The following SAMD3 variants were observed in gnomAD, a reference collection of about 807,000 sequenced individuals.
SAMD3 encodes the protein sterile alpha motif domain-containing protein 3.
Under a neutral mutation model 58.5 loss-of-function variants are expected in SAMD3, and 63 were observed. The observed-to-expected ratio is 1.08, with a 90% CI of 0.88 to 1.33. SAMD3 has a LOEUF of 1.33. SAMD3 is among the 40% of genes most tolerant of loss of function. The pLI, the probability that SAMD3 is intolerant of heterozygous loss-of-function variation, is 0.00. For synonymous variants in SAMD3, 220 were observed against 210.3 expected (o/e 1.05, Z -0.40); for missense variants, 604 against 608.4 (o/e 0.99, Z 0.08).
intron 1 of SAMD3, among the ~76,000 whole-genome samples, chr6:130,221,125 A>G (rs1421991436): frequency 6.6e-6 from 1 of 152,190 alleles, no homozygotes; most frequent in Non-Finnish European, 1.5e-5. Context: ...AAGTGCTGGG[A>G]TTACAGGCAT....
At chr6:130,276,508 T>A (rs1031168678) in intron 2 of SAMD3, among the ~76,000 whole-genome samples, 2 of 152,128 alleles carry the variant, frequency 1.3e-5, no homozygotes, top group Non-Finnish European at 2.9e-5. Flanking sequence ...ATATTAAGCA[T>A]ATTAAAAATA....
At chr6:130,205,577 T>A (rs1219551992) in intron 5 of SAMD3, among the ~76,000 whole-genome samples, 1 of 151,880 alleles carries the variant, frequency 6.6e-6, no homozygotes, top group Non-Finnish European at 1.5e-5. Flanking sequence ...GTGCTGGGAT[T>A]ACAGGCATGA....
intron 1 of SAMD3, among the ~76,000 whole-genome samples, chr6:130,334,501 G>A (rs969286476): frequency 6.6e-6 from 1 of 152,214 alleles, no homozygotes; most frequent in Non-Finnish European, 1.5e-5. Context: ...GGTAGAAACA[G>A]CAACGGCTTT....
intron 5 of SAMD3, among the ~76,000 whole-genome samples, chr6:130,200,343 C>T (rs1794532261): frequency 6.7e-6 from 1 of 149,724 alleles, no homozygotes; most frequent in South Asian, 2.1e-4. Flanking sequence ...AGATAGAGAC[C>T]ATCCTGGCTA....
chr6:130,351,499 G>A (rs1310436860), intron 1 of SAMD3, among the ~76,000 whole-genome samples: 1 of 152,196 alleles, frequency 6.6e-6, no homozygotes, highest in Admixed American at 6.5e-5. Context: ...CTGGCCATCA[G>A]AGAAATGCAG....
intron 2 of SAMD3, among the ~76,000 whole-genome samples, chr6:130,308,218 T>C (rs1403559229): frequency 6.6e-6 from 1 of 152,100 alleles, no homozygotes; most frequent in African/African-American, 2.4e-5. Context: ...AAGAAATTCC[T>C]GGGGTATGAG....
intron 2 of SAMD3, among the ~76,000 whole-genome samples, chr6:130,260,074 A>C (rs1245431807): frequency 6.6e-6 from 1 of 152,222 alleles, no homozygotes; most frequent in Non-Finnish European, 1.5e-5. Context: ...TCATAGATAC[A>C]GTCACATACT....
chr6:130,205,267 C>T (rs908734772), intron 5 of SAMD3, among the ~76,000 whole-genome samples: 3 of 151,134 alleles, frequency 2.0e-5, no homozygotes, highest in Non-Finnish European at 4.4e-5. Context: ...TTCATTGGCT[C>T]ACACATCCCA....
intron 2 of SAMD3, among the ~76,000 whole-genome samples, chr6:130,234,197 T>C (rs1422556420): frequency 1.3e-5 from 2 of 152,240 alleles, no homozygotes; most frequent in Non-Finnish European, 2.9e-5. Context: ...TAATTTTTGC[T>C]TCTCTTATGT....
At chr6:130,234,630 G>A (rs546497030) in intron 2 of SAMD3, among the ~76,000 whole-genome samples, 1 of 152,300 alleles carries the variant, frequency 6.6e-6, no homozygotes. Context: ...GAACCAACGT[G>A]TAAGATGATG....
chr6:130,307,267 G>A (rs571100105), intron 2 of SAMD3, among the ~76,000 whole-genome samples: 5 of 152,356 alleles, frequency 3.3e-5, no homozygotes, highest in Non-Finnish European at 7.3e-5. Flanking sequence ...CCACAGGGCC[G>A]TCTCTTGCAC....
chr6:130,143,612 C>T (rs1582693089), downstream of SAMD3: 1 of 152,270 alleles, frequency 6.6e-6, no homozygotes, highest in African/African-American at 2.4e-5. Context: ...GTTCATCCCA[C>T]CATGCTGTGT....
chr6:130,343,974 C>CAAACA (rs10686988), intron 1 of SAMD3, among the ~76,000 whole-genome samples: 64,724 of 146,392 alleles, frequency 0.44, 16,181 homozygotes, highest in African/African-American at 0.7. Flanking sequence ...TAAAAACAAA[C>CAAACA]AAAAAAAAAA....
At chr6:130,298,925 G>A (rs904956667) in intron 2 of SAMD3, among the ~76,000 whole-genome samples, 15 of 151,944 alleles carry the variant, frequency 9.9e-5, no homozygotes, top group African/African-American at 3.1e-4. Context: ...TCAACACTGC[G>A]TATGCACTGA....
chr6:130,146,118 C>T lies in SAMD3; in HGVS notation c.1087G>A (p.Glu363Lys). 1 of 1,600,762 alleles carries T rather than the reference C, an allele frequency of 6.2e-7. No individual in the cohort carries two copies. Among genetic ancestry groups the T allele is most frequent in the Non-Finnish European group, 8.5e-7 (1 of 1,173,358 alleles). ...DIYKKTRHIL[E>K]SYSENILTSF... ...GTCAGTATATTTTCTGAATAGGATTCCAAAATGTGCCTTGTTTTCTTATAA... is the reference window on the plus strand; with the variant it reads ...GTCAGTATATTTTCTGAATAGGATTTCAAAATGTGCCTTGTTTTCTTATAA... Residue 363 changes from glutamate to lysine, a missense_variant, in exon 10 of 12, where the codon GAA (glutamate) becomes AAA (lysine). Glu to Lys is a moderately conservative substitution (Grantham distance 56, BLOSUM62 1). Coordinates refer to ENST00000439090, the MANE Select transcript of SAMD3 (RefSeq NM_001017373.4).
chr6:130,344,683 C>A (rs2115027559), intron 1 of SAMD3, among the ~76,000 whole-genome samples: 1 of 152,124 alleles, frequency 6.6e-6, no homozygotes, highest in African/African-American at 2.4e-5. Flanking sequence ...GCCATGGAGC[C>A]CAGCCATTCC....
chr6:130,329,725 C>T (rs906847275), intron 1 of SAMD3, among the ~76,000 whole-genome samples: 5 of 152,134 alleles, frequency 3.3e-5, no homozygotes, highest in African/African-American at 1.2e-4. Context: ...TCATGGAGTA[C>T]TATGCAGCCA....
chr6:130,348,717 A>G (rs1319530760), intron 1 of SAMD3, among the ~76,000 whole-genome samples: 1 of 152,214 alleles, frequency 6.6e-6, no homozygotes, highest in Admixed American at 6.5e-5. Context: ...TCAGCTCTGC[A>G]GCAAGCGGAC....
chr6:130,253,188 T>C (rs569041255), intron 2 of SAMD3, among the ~76,000 whole-genome samples: 1 of 152,274 alleles, frequency 6.6e-6, no homozygotes, highest in South Asian at 2.1e-4. Flanking sequence ...AACTCTTTAT[T>C]AGTGACAAGT....
Sources: allele counts gnomAD v4.1 joint callset (sites outside exome capture counted in the v4.1 genomes callset), GRCh38; gene constraint gnomAD v4.1.1; transcripts MANE v1.5; gene names NCBI Gene and HGNC (gene_info 2026-07-23, HGNC 2026-07-21).